Variants in TRAPPC9 observed in about 807,000 individuals in gnomAD.
The protein encoded by TRAPPC9 is IKK2 binding protein.
In TRAPPC9, 83 loss-of-function variants were observed where a neutral mutation model predicts 124.0. The ratio of observed to expected loss-of-function variants is 0.67; its 90% confidence interval spans 0.56 to 0.80. TRAPPC9 has a LOEUF of 0.80. Among genes scored for constraint, TRAPPC9 ranks in the 30% least tolerant of loss-of-function variants. TRAPPC9 has a pLI of 0.00. For synonymous variants in TRAPPC9, 638 were observed against 617.5 expected (o/e 1.03, Z -0.49); for missense variants, 1,302 against 1,508.3 (o/e 0.86, Z 2.27).
chr8:140,046,047 G>GAAT (rs150341708), intron 17 of TRAPPC9, among the ~76,000 whole-genome samples: 120 of 152,110 alleles, frequency 7.9e-4, no homozygotes, highest in Non-Finnish European at 1.4e-3. Context: ...CTAGATGGGA[G>GAAT]GATGGGACTC....
chr8:139,791,978 C>T (rs1166333357), intron 21 of TRAPPC9, among the ~76,000 whole-genome samples: 1 of 152,170 alleles, frequency 6.6e-6, no homozygotes, highest in African/African-American at 2.4e-5. Context: ...GCTACTTGTC[C>T]ATACCCCAGC....
At chr8:139,924,364 C>T (rs988655889) in intron 19 of TRAPPC9, among the ~76,000 whole-genome samples, 1 of 152,154 alleles carries the variant, frequency 6.6e-6, no homozygotes, top group Non-Finnish European at 1.5e-5. Context: ...GCACCTGACC[C>T]GGCCACATGG....
chr8:140,254,897 C>A (rs1021744265), intron 15 of TRAPPC9, among the ~76,000 whole-genome samples: 1 of 152,310 alleles, frequency 6.6e-6, no homozygotes, highest in South Asian at 2.1e-4. Context: ...AAGTCCTGGT[C>A]GGAAGACCCA....
Position 140,287,802 on chromosome 8 carries a change from C to A in TRAPPC9, c.1855-68G>T, listed in dbSNP as rs892416735. On this transcript the variant is annotated intron_variant, in intron 12 of 22. Transcript: ENST00000438773. ...CTGTGTGTGCTCAGTTCCAAATGAGCCTTAAGACATTGGCTATGGCACATC... is the reference window on the plus strand; with the variant it reads ...CTGTGTGTGCTCAGTTCCAAATGAGACTTAAGACATTGGCTATGGCACATC... The A allele has an allele frequency of 1.1e-5, 17 of 1,608,150 alleles. No individual in the cohort carries two copies. In the Admixed American group the frequency reaches 1.5e-4, roughly 14 times the overall value.
chr8:140,198,225 A>G (rs1024230620), intron 17 of TRAPPC9, among the ~76,000 whole-genome samples: 15 of 152,222 alleles, frequency 9.9e-5, no homozygotes. Flanking sequence ...TAGTTTAAAC[A>G]AAGACGGTAA....
intron 17 of TRAPPC9, among the ~76,000 whole-genome samples, chr8:140,218,479 G>C (rs968854531): frequency 5.3e-5 from 8 of 152,006 alleles, no homozygotes; most frequent in African/African-American, 1.9e-4. Flanking sequence ...AAGAGCAAGG[G>C]AGACTGTGGC....
intron 20 of TRAPPC9, among the ~76,000 whole-genome samples, chr8:139,886,754 C>T (rs1587099333): frequency 6.6e-6 from 1 of 152,322 alleles, no homozygotes; most frequent in East Asian, 1.9e-4. Flanking sequence ...CTGAAGCACA[C>T]CATGCACAGC....
intron 21 of TRAPPC9, among the ~76,000 whole-genome samples, chr8:139,866,037 T>G (rs1828512427): frequency 6.6e-6 from 1 of 152,148 alleles, no homozygotes; most frequent in Non-Finnish European, 1.5e-5. Context: ...TTCCAGGCTA[T>G]AGGTAAATGT....
intron 16 of TRAPPC9, among the ~76,000 whole-genome samples, chr8:140,250,116 C>T (rs1007983447): frequency 6.6e-6 from 1 of 152,194 alleles, no homozygotes; most frequent in African/African-American, 2.4e-5. Context: ...ATTGTTACAG[C>T]TCTTCAATCT....
chr8:139,858,824 G>A (rs767170842), intron 21 of TRAPPC9, among the ~76,000 whole-genome samples: 10 of 135,084 alleles, frequency 7.4e-5, no homozygotes, highest in East Asian at 2.0e-4. Flanking sequence ...CTGTGAATCC[G>A]GGGGGGGCAC....
chr8:140,311,120 T>G, intron 10 of TRAPPC9, 128 bp downstream of exon 10: 97 of 1,110,464 alleles, frequency 8.7e-5, no homozygotes, highest in East Asian at 1.2e-4. Context: ...TCAAGTTTAA[T>G]GAGATAATGA....
Position 139,818,552 on chromosome 8 carries a change from G to T in TRAPPC9, c.3055+67327C>A, listed in dbSNP as rs911076301. Among the ~76,000 whole-genome samples the T allele has an allele frequency of 2.0e-5, 3 of 152,030 alleles. No individual in the cohort carries two copies. In the East Asian group the frequency reaches 5.8e-4, roughly 29 times the overall value. ...GATCACGCCACTGCCCTCTAGTCTG[G>T]GCAATAGAGCAAGGCTCTGTCTCAA... On this transcript the variant is annotated intron_variant, in intron 21 of 22. Transcript: ENST00000438773.
At chr8:139,847,580 C>T (rs1469612563) in intron 21 of TRAPPC9, among the ~76,000 whole-genome samples, 1 of 144,474 alleles carries the variant, frequency 6.9e-6, no homozygotes, top group East Asian at 2.1e-4. Flanking sequence ...GCGTGGCCTG[C>T]AGATGGGCAC....
In TRAPPC9 at chr8:140,443,414, C is replaced by T. The variant is rs1440826167; in HGVS notation, c.585-4217G>A. Among the ~76,000 whole-genome samples the T allele has an allele frequency of 9.3e-5, 14 of 150,428 alleles. No individual in the cohort carries two copies. In the East Asian group the frequency reaches 1.2e-3, roughly 13 times the overall value. ...TCGCGCCACTGCACTCCAGCGTGGG[C>T]GACAGAGCAAGACTCCATCTCAAAA... On this transcript the variant is annotated intron_variant, in intron 2 of 22. Coordinates refer to ENST00000438773, the MANE Select transcript of TRAPPC9 (RefSeq NM_001160372.4).
At chr8:139,740,474 G>A (rs1818479029) in intron 21 of TRAPPC9, among the ~76,000 whole-genome samples, 1 of 152,244 alleles carries the variant, frequency 6.6e-6, no homozygotes, top group Non-Finnish European at 1.5e-5. Context: ...CTGGGCAGGG[G>A]GAGGCAGGCT....
chr8:140,045,126 G>C (rs1841502661), intron 17 of TRAPPC9, among the ~76,000 whole-genome samples: 1 of 152,184 alleles, frequency 6.6e-6, no homozygotes, highest in Non-Finnish European at 1.5e-5. Flanking sequence ...AGCAGAGATG[G>C]AGAGGAAAAG....
chr8:140,064,869 T>C (rs1026504294), intron 17 of TRAPPC9, among the ~76,000 whole-genome samples: 48 of 152,280 alleles, frequency 3.2e-4, no homozygotes, highest in Middle Eastern at 3.4e-3. Context: ...CACTGCAGGA[T>C]TGTAAAGGCC....
At chr8:139,906,307 T>C (rs1238148987) in intron 20 of TRAPPC9, among the ~76,000 whole-genome samples, 2 of 152,030 alleles carry the variant, frequency 1.3e-5, no homozygotes, top group Non-Finnish European at 2.9e-5. Flanking sequence ...ATCCTAGGTG[T>C]CTTCATTGTA....
chr8:140,128,871 G>A (rs1379742406), intron 17 of TRAPPC9, among the ~76,000 whole-genome samples: 1 of 151,928 alleles, frequency 6.6e-6, no homozygotes, highest in Non-Finnish European at 1.5e-5. Context: ...TTCGAAAGCA[G>A]ACAACTTCAC....
Sources: allele counts gnomAD v4.1 joint callset (sites outside exome capture counted in the v4.1 genomes callset), GRCh38; gene constraint gnomAD v4.1.1; transcripts MANE v1.5; gene names NCBI Gene and HGNC (gene_info 2026-07-23, HGNC 2026-07-21).